The following CTBP2 variants were observed in gnomAD, a reference collection of about 807,000 sequenced individuals.
The protein encoded by CTBP2 is C-terminal binding protein 2, also known as C-terminal-binding protein 2.
CTBP2 carries 30 observed loss-of-function variants against 80.3 expected under a neutral mutation model. The observed-to-expected ratio is 0.37, with a 90% CI of 0.28 to 0.51. The LOEUF is 0.51. Ranked by LOEUF, CTBP2 falls within the 20% of genes least tolerant of loss-of-function variation. The pLI is 0.93. For synonymous variants in CTBP2, 594 were observed against 587.4 expected (o/e 1.01, Z -0.16); for missense variants, 1,212 against 1,375.3 (o/e 0.88, Z 1.88).
Position 125,102,737 on chromosome 10 carries a change from C to T in CTBP2, c.-102+8253G>A, listed in dbSNP as rs540925201. Among the ~76,000 whole-genome samples the T allele has an allele frequency of 5.9e-5, 9 of 152,342 alleles. No homozygotes were observed. In the South Asian group the frequency reaches 1.9e-3, roughly 32 times the overall value. On this transcript the variant is annotated intron_variant, in intron 2 of 10. Transcript: ENST00000337195. Reference sequence around the variant, plus strand: ...GGCCGTCAGTTACACATGCAGGAAACACCAGCTTCCAGGCCTCTGAAGGTG... The same window carrying T: ...GGCCGTCAGTTACACATGCAGGAAATACCAGCTTCCAGGCCTCTGAAGGTG...
Position 124,992,839 on chromosome 10 carries a change from ATAT to A in CTBP2, c.2660-30_2660-28del, listed in dbSNP as rs750666703. ...TAGGGTAAGATGATTAAAATTAATC[ATAT>A]TATTTTTACAAATCACAGTAAGTTC... On this transcript the variant is annotated intron_variant, in intron 7 of 8. Coordinates refer to ENST00000309035, the MANE Select transcript of CTBP2 (RefSeq NM_022802.3). The A allele has an allele frequency of 2.6e-6, 4 of 1,533,374 alleles. No homozygotes were observed. The East Asian group carries it at 6.8e-5, about 26-fold the overall frequency. The allele number at this position is 1,533,374 out of a possible 1,614,324, so 95.0% of individuals were successfully genotyped here.
intron 1 of CTBP2, among the ~76,000 whole-genome samples, chr10:125,152,960 C>A (rs1591128382): frequency 6.6e-6 from 1 of 152,322 alleles, no homozygotes; most frequent in African/African-American, 2.4e-5. Context: ...TCCTCCCCAG[C>A]TCATTAGGAG....
At chr10:125,040,068 C>T (rs887235948) in intron 2 of CTBP2, among the ~76,000 whole-genome samples, 5 of 152,200 alleles carry the variant, frequency 3.3e-5, no homozygotes, top group South Asian at 2.1e-4. Flanking sequence ...CCAATGTGCC[C>T]GGTGAGGTCC....
Position 124,985,128 on chromosome 10 carries a change from G to T in CTBP2, c.*4390C>A. The T allele has an allele frequency of 1.5e-6, 1 of 663,868 alleles. No individual in the cohort carries two copies. The highest frequency in any genetic ancestry group is 2.7e-5 in the East Asian group (1 of 36,680). The allele number at this position is 663,868 out of a possible 1,614,324, so 41.1% of individuals were successfully genotyped here. A position where few individuals can be genotyped will look rare whatever the true frequency, so the allele number is the denominator to read the frequency against. On this transcript the variant is annotated 3_prime_UTR_variant, in exon 9 of 9. Transcript: ENST00000309035. Reference sequence around the variant, plus strand: ...ATCTGCTCGGGGAAGTGTTTTCCTGGACCACACACACCTTATGGAGATAAT... The same window carrying T: ...ATCTGCTCGGGGAAGTGTTTTCCTGTACCACACACACCTTATGGAGATAAT...
chr10:125,073,955 T>A (rs1336128550), intron 2 of CTBP2, among the ~76,000 whole-genome samples: 1 of 152,212 alleles, frequency 6.6e-6, no homozygotes, highest in East Asian at 1.9e-4. Flanking sequence ...AACCCTGATC[T>A]TCAATCCCAC....
At chr10:125,072,136 A>G in intron 2 of CTBP2, among the ~76,000 whole-genome samples, 1 of 152,096 alleles carries the variant, frequency 6.6e-6, no homozygotes, top group Admixed American at 6.5e-5. Context: ...ATATGGTGAA[A>G]CCCCATCTCT....
intron 2 of CTBP2, among the ~76,000 whole-genome samples, chr10:125,069,764 C>T (rs1415107997): frequency 1.3e-5 from 2 of 152,130 alleles, no homozygotes; most frequent in South Asian, 2.1e-4. Context: ...CTGAGAGTCT[C>T]CCCTTTAATG....
At chr10:124,998,299 A>G in intron 3 of CTBP2, 129 bp from the exon 6 acceptor site, 2 of 1,075,948 alleles carry the variant, frequency 1.9e-6, no homozygotes, top group Non-Finnish European at 2.7e-6. Context: ...ATCGTCTAGC[A>G]GACGCGGGGC....
chr10:125,110,512 G>A (rs962151389), intron 2 of CTBP2, among the ~76,000 whole-genome samples: 7 of 152,138 alleles, frequency 4.6e-5, no homozygotes, highest in African/African-American at 1.7e-4. Context: ...CCTAGAGGCT[G>A]GTAACACTAA....
chr10:125,089,167 A>AT (rs1185709418), intron 2 of CTBP2, among the ~76,000 whole-genome samples: 2 of 152,136 alleles, frequency 1.3e-5, no homozygotes, highest in Non-Finnish European at 2.9e-5. Context: ...TGCTGCAAAC[A>AT]TTTTTTTACT....
intron 1 of CTBP2, among the ~76,000 whole-genome samples, chr10:125,113,589 T>C (rs947712821): frequency 1.3e-5 from 2 of 152,186 alleles, no homozygotes; most frequent in African/African-American, 2.4e-5. Flanking sequence ...TTTCAGGAAG[T>C]AGTCCCTTTT....
At chr10:125,051,914 G>A (rs115286811) in intron 2 of CTBP2, among the ~76,000 whole-genome samples, 6 of 152,266 alleles carry the variant, frequency 3.9e-5, no homozygotes, top group South Asian at 4.1e-4. Context: ...GGGGGAAGAC[G>A]ACGTGAAGAT....
intron 2 of CTBP2, among the ~76,000 whole-genome samples, chr10:125,045,777 A>G (rs1173411506): frequency 1.3e-5 from 2 of 152,324 alleles, no homozygotes; most frequent in East Asian, 3.9e-4. Context: ...GGCGTGAGCC[A>G]CCAAGCCCAG....
chr10:125,154,650 G>A (rs1860601318), intron 1 of CTBP2, among the ~76,000 whole-genome samples: 1 of 68,152 alleles, frequency 1.5e-5, no homozygotes, highest in Non-Finnish European at 2.8e-5. Context: ...GAGTGTCGTT[G>A]CTAAAAAAAC....
chr10:125,096,609 T>G (rs1240664317), intron 2 of CTBP2, among the ~76,000 whole-genome samples: 1 of 152,164 alleles, frequency 6.6e-6, no homozygotes, highest in African/African-American at 2.4e-5. Flanking sequence ...TATGAAACTC[T>G]CTGCTGAGTC....
intron 1 of CTBP2, among the ~76,000 whole-genome samples, chr10:125,022,085 G>A (rs4109292): frequency 0.41 from 63,093 of 152,200 alleles, 14,738 homozygotes; most frequent in East Asian, 0.64. Flanking sequence ...CCTTGCACAC[G>A]ACAGCTCACG....
chr10:125,121,337 C>T (rs150221381), intron 1 of CTBP2, among the ~76,000 whole-genome samples: 152 of 152,328 alleles, frequency 1.0e-3, no homozygotes, highest in Middle Eastern at 3.4e-3. Context: ...TTTACTCACA[C>T]GGCTTGGTGA....
intron 2 of CTBP2, among the ~76,000 whole-genome samples, chr10:125,058,469 G>A (rs1964375838): frequency 6.6e-6 from 1 of 152,136 alleles, no homozygotes. Context: ...CGAGGCATGG[G>A]CGTGTGTCGC....
At chr10:125,038,899 G>T (rs1181602043) in intron 3 of CTBP2, 98 bp downstream of exon 3, 3 of 1,209,968 alleles carry the variant, frequency 2.5e-6, no homozygotes, top group Non-Finnish European at 3.6e-6. Flanking sequence ...GAGGGACTCT[G>T]GCTTGGGGAG....
Sources: gnomAD v4.1 joint callset for allele counts (sites outside exome capture counted in the v4.1 genomes callset) on GRCh38, gnomAD v4.1.1 for gene constraint, MANE v1.5 for transcripts, NCBI Gene and HGNC (gene_info 2026-07-23, HGNC 2026-07-21) for gene names.